Variants in FER1L6 observed in about 807,000 individuals in gnomAD.
FER1L6 encodes fer-1-like protein 6.
Under a neutral mutation model 219.2 loss-of-function variants are expected in FER1L6, and 177 were observed. That is an observed-to-expected ratio of 0.81 (90% CI 0.71 to 0.91). The LOEUF (loss-of-function observed/expected upper bound fraction) is 0.91. FER1L6 is among the 40% of genes least tolerant of loss of function. The pLI is 0.00. For missense variants in FER1L6, 2,153 were observed against 2,259.9 expected (o/e 0.95, Z 0.96); for synonymous variants, 768 against 824.3 (o/e 0.93, Z 1.17).
In FER1L6 at chr8:123,980,699, C is replaced by A. The variant is rs750103113; in HGVS notation, c.1298C>A (p.Ser433Tyr). 6.2e-7 allele frequency: 1 copy of A among 1,614,142 alleles called. No homozygotes were observed. The highest frequency in any genetic ancestry group is 8.5e-7 in the Non-Finnish European group (1 of 1,180,008). ...CCTTCCAAGGACAAAGACTCCAAAT[C>A]TTCCAAAGGTAAAGACAAGGCTGAC... The part of the protein sequence containing the change: ...KLPSKDKDSK[S>Y]SKGKDKADKT... The change falls in exon 11 of 41, where the codon TCT becomes TAT. Residue 433 changes from serine to tyrosine, a missense_variant. Coordinates refer to ENST00000522917, the MANE Select transcript of FER1L6 (RefSeq NM_001039112.2).
chr8:123,924,354 G>A (rs763745493), intron 1 of FER1L6, among the ~76,000 whole-genome samples: 6 of 151,344 alleles, frequency 4.0e-5, no homozygotes, highest in Non-Finnish European at 7.4e-5. Context: ...CAGCCTGGCC[G>A]ACATGGTAAA....
At chr8:123,999,852 T>G (rs1348322865) in intron 12 of FER1L6, among the ~76,000 whole-genome samples, 2 of 151,916 alleles carry the variant, frequency 1.3e-5, no homozygotes, top group African/African-American at 2.4e-5. Context: ...AGCTATGAAG[T>G]GTTGGGGGAA....
intron 1 of FER1L6, among the ~76,000 whole-genome samples, chr8:123,896,047 G>A (rs1196803309): frequency 1.3e-5 from 2 of 152,166 alleles, no homozygotes; most frequent in Non-Finnish European, 2.9e-5. Flanking sequence ...GTCAAATAGA[G>A]GGCTTGTTCT....
chr8:124,107,176 C>T (rs921091513), intron 39 of FER1L6, among the ~76,000 whole-genome samples: 2 of 151,982 alleles, frequency 1.3e-5, no homozygotes, highest in Admixed American at 1.3e-4. Context: ...TCTCGATCTC[C>T]TGACCTTGTG....
At chr8:123,883,369 C>A (rs1286408248) in intron 1 of FER1L6, among the ~76,000 whole-genome samples, 1 of 152,138 alleles carries the variant, frequency 6.6e-6, no homozygotes, top group Non-Finnish European at 1.5e-5. Flanking sequence ...CACATCACAG[C>A]CTAGAGGAAT....
chr8:123,952,687 T>C (rs1814825267), intron 1 of FER1L6, among the ~76,000 whole-genome samples: 1 of 152,076 alleles, frequency 6.6e-6, no homozygotes, highest in Non-Finnish European at 1.5e-5. Flanking sequence ...TCCCAATACA[T>C]TGTCTGGAAA....
At chr8:123,894,247 C>G (rs550391339) in intron 1 of FER1L6, among the ~76,000 whole-genome samples, 3 of 152,206 alleles carry the variant, frequency 2.0e-5, no homozygotes, top group Non-Finnish European at 4.4e-5. Context: ...ATGATTGCTT[C>G]CTTACCCTTT....
chr8:123,859,548 CTTTTTTT>C, intron 1 of FER1L6, among the ~76,000 whole-genome samples: 1 of 134,096 alleles, frequency 7.5e-6, no homozygotes, highest in Non-Finnish European at 1.6e-5. Flanking sequence ...TGCTCTGTTT[CTTTTTTT>C]TTTTTTTTTT....
chr8:123,962,476 C>T (rs1445915638), intron 2 of FER1L6, among the ~76,000 whole-genome samples: 2 of 151,978 alleles, frequency 1.3e-5, no homozygotes, highest in Non-Finnish European at 2.9e-5. Context: ...AATTTGGTAT[C>T]TTATTGCCAC....
intron 21 of FER1L6, chr8:124,047,585 T>C (rs1819794662): frequency 1.3e-5 from 2 of 152,262 alleles, no homozygotes; most frequent in South Asian, 4.1e-4. Flanking sequence ...TTCCCTTTGC[T>C]GTCCCATTGC....
At chr8:124,112,743 T>C (rs1823074417) in intron 39 of FER1L6, among the ~76,000 whole-genome samples, 1 of 152,184 alleles carries the variant, frequency 6.6e-6, no homozygotes, top group Non-Finnish European at 1.5e-5. Context: ...GTTTCAACAG[T>C]GAATAAGATA....
chr8:124,082,541 C>G, intron 33 of FER1L6, 83 bp downstream of exon 33: 1 of 1,332,644 alleles, frequency 7.5e-7, no homozygotes, highest in Non-Finnish European at 1.0e-6. Flanking sequence ...TCCCAGTTGT[C>G]CATCTCTAGG....
chr8:124,003,122 G>A, intron 12 of FER1L6, 45 bp from the exon 13 acceptor site: 3 of 1,556,388 alleles, frequency 1.9e-6, no homozygotes, highest in East Asian at 2.2e-5. Context: ...GACTGATTCT[G>A]ATTACCACCA....
chr8:124,101,943 G>A (rs1273791214), intron 38 of FER1L6, among the ~76,000 whole-genome samples: 1 of 152,094 alleles, frequency 6.6e-6, no homozygotes, highest in Non-Finnish European at 1.5e-5. Flanking sequence ...CCAGTTCGTA[G>A]GCAGATTCAA....
intron 1 of FER1L6, among the ~76,000 whole-genome samples, chr8:123,953,897 T>C (rs1296606631): frequency 6.6e-6 from 1 of 152,110 alleles, no homozygotes; most frequent in African/African-American, 2.4e-5. Flanking sequence ...GAAAACAGAA[T>C]AGTGAAAACT....
intron 1 of FER1L6, among the ~76,000 whole-genome samples, chr8:123,898,753 A>C: frequency 7.2e-6 from 1 of 139,372 alleles, no homozygotes; most frequent in East Asian, 2.0e-4. Context: ...TATATACTAT[A>C]TATACACATA....
At chr8:124,005,657 C>T (rs1817624711) in intron 13 of FER1L6, among the ~76,000 whole-genome samples, 1 of 152,248 alleles carries the variant, frequency 6.6e-6, no homozygotes, top group African/African-American at 2.4e-5. Flanking sequence ...ATCTGTTCAT[C>T]TCTGTGACCA....
intron 1 of FER1L6, among the ~76,000 whole-genome samples, chr8:123,908,456 C>T (rs1250817204): frequency 6.6e-6 from 1 of 152,136 alleles, no homozygotes; most frequent in Non-Finnish European, 1.5e-5. Context: ...CTTTAGAAAA[C>T]AGTTTGTTTC....
chr8:123,973,350 C>T (rs1815907664), intron 6 of FER1L6, 84 bp from the exon 7 acceptor site: 2 of 1,119,514 alleles, frequency 1.8e-6, no homozygotes, highest in African/African-American at 1.5e-5. Flanking sequence ...CACTGTGCTC[C>T]AGACAGGGTC....
Sources: allele counts gnomAD v4.1 joint callset (sites outside exome capture counted in the v4.1 genomes callset), GRCh38; gene constraint gnomAD v4.1.1; transcripts MANE v1.5; gene names NCBI Gene and HGNC (gene_info 2026-07-23, HGNC 2026-07-21).